TEF: variants seen among roughly 807,000 people sequenced by gnomAD.
TEF encodes the protein thyrotroph embryonic factor.
A neutral mutation model predicts 20.8 loss-of-function variants in TEF; 3 were observed. The ratio of observed to expected loss-of-function variants is 0.14; its 90% confidence interval spans 0.07 to 0.37. TEF has a LOEUF of 0.37. Ranked by LOEUF, TEF falls within the 10% of genes least tolerant of loss-of-function variation. The probability of loss-of-function intolerance (pLI) is 1.00; values close to 1 mark genes in which losing one functional copy is unlikely to be tolerated. For missense variants in TEF, 296 were observed against 397.9 expected, an observed-to-expected ratio of 0.74 and a Z score of 2.18; for synonymous variants, 180 against 171.1, an observed-to-expected ratio of 1.05 and a Z score of -0.41.
At chr22:41,377,386 T>C (rs2036956193), upstream of TEF, 1 of 152,160 alleles carries the variant, frequency 6.6e-6, no homozygotes, top group Non-Finnish European at 1.5e-5. Flanking sequence ...TTCTCTTTTT[T>C]CCCCCTGAAA....
chr22:41,386,109 C>T (rs924704392), intron 1 of TEF, among the ~76,000 whole-genome samples: 4 of 152,104 alleles, frequency 2.6e-5, no homozygotes, highest in Admixed American at 6.5e-5. Flanking sequence ...GCAATCCTGA[C>T]CCCCCCGCAC....
intron 1 of TEF, chr22:41,370,017 T>C (rs920073136): frequency 1.0e-6 from 1 of 985,416 alleles, no homozygotes. Flanking sequence ...GAGGGAAGTG[T>C]ACAGGAAAGT....
upstream of TEF, among the ~76,000 whole-genome samples, chr22:41,378,117 C>T (rs1299530835): frequency 3.3e-5 from 5 of 150,790 alleles, no homozygotes; most frequent in African/African-American, 1.2e-4. Flanking sequence ...GCCATCAAGT[C>T]TCCTCATGGC....
At position 41,397,005 on chromosome 22, in the gene TEF, T is replaced by A. The variant is rs987462555; in HGVS notation, c.*1045T>A. ...CCTTTTTTCTTGCTCTGCTCACCGG[T>A]GTGGCCTGGGCTGGAGTGCACTCTC... On this transcript the variant is annotated 3_prime_UTR_variant, in exon 4 of 4. Transcript: ENST00000266304. The A allele has an allele frequency of 7.5e-6, 3 of 398,696 alleles. No homozygotes were observed. The highest frequency in any genetic ancestry group is 1.3e-5 in the Non-Finnish European group (3 of 226,272). 24.7% of individuals were successfully genotyped at this position (398,696 alleles called of 1,614,324 possible).
upstream of TEF, among the ~76,000 whole-genome samples, chr22:41,379,519 A>C (rs2036987733): frequency 6.6e-6 from 1 of 151,214 alleles, no homozygotes; most frequent in South Asian, 2.1e-4. Flanking sequence ...AAAACAAAAA[A>C]CAAAAAACAA....
At chr22:41,384,320 TCTC>T (rs1418658271) in intron 1 of TEF, among the ~76,000 whole-genome samples, 1 of 152,100 alleles carries the variant, frequency 6.6e-6, no homozygotes, top group Non-Finnish European at 1.5e-5. Context: ...ATTGCTCTCT[TCTC>T]TTTTTTTAAT....
intron 1 of TEF, among the ~76,000 whole-genome samples, chr22:41,383,940 AC>A (rs1374882648): frequency 2.0e-5 from 3 of 152,224 alleles, no homozygotes. Context: ...CACCCAGCCC[AC>A]CAAGGCTTGA....
At chr22:41,387,710 G>A in intron 2 of TEF, 42 bp downstream of exon 2, 4 of 1,555,406 alleles carry the variant, frequency 2.6e-6, no homozygotes, top group South Asian at 1.2e-5. Context: ...GTCCCATCCA[G>A]GGAAGTCCAT....
At chr22:41,392,745 G>A (rs1052210887) in intron 2 of TEF, among the ~76,000 whole-genome samples, 2 of 148,788 alleles carry the variant, frequency 1.3e-5, no homozygotes, top group Non-Finnish European at 3.0e-5. Context: ...GGACTCAAAA[G>A]TGGAACCCGG....
intron 1 of TEF, among the ~76,000 whole-genome samples, chr22:41,371,703 C>T (rs192665890): frequency 6.6e-6 from 1 of 152,350 alleles, no homozygotes; most frequent in East Asian, 1.9e-4. Flanking sequence ...CCCTCATTCC[C>T]TTCTTTCCAC....
rs537903655 is a variant in TEF at position 41,398,460 on chromosome 22, A to G, written c.*2500A>G. 1.3e-5 allele frequency: 2 copies of G among 153,828 alleles called. No individual in the cohort carries two copies. Among genetic ancestry groups the G allele is most frequent in the South Asian group, 2.1e-4 (1 of 4,828 alleles). 9.5% of individuals were successfully genotyped at this position (153,828 alleles called of 1,614,324 possible). Reference sequence around the variant, plus strand: ...GGCTTGGAAGTGCCGTCTACTTCCTAAGCATCCTGTCTAAAGCTTTGTGGC... The same window carrying G: ...GGCTTGGAAGTGCCGTCTACTTCCTGAGCATCCTGTCTAAAGCTTTGTGGC... On this transcript the variant is annotated 3_prime_UTR_variant, in exon 4 of 4. Transcript: ENST00000266304.
At position 41,397,768 on chromosome 22, in the gene TEF, C is replaced by G. The variant is rs369520800; in HGVS notation, c.*1808C>G. On this transcript the variant is annotated 3_prime_UTR_variant, in exon 4 of 4. Transcript: ENST00000266304. ...GCGCATCCAGCATGTCAGTGTCCTG[C>G]CCCGGGCAGCTCTCCCTCCCGGGCA... The G allele has an allele frequency of 1.3e-5, 2 of 152,258 alleles. No homozygotes were observed. Among genetic ancestry groups the G allele is most frequent in the East Asian group, 3.8e-4 (2 of 5,196 alleles). The allele number at this position is 152,258 out of a possible 1,614,324, so 9.4% of individuals were successfully genotyped here.
chr22:41,388,827 A>G (rs1201541181), intron 2 of TEF, among the ~76,000 whole-genome samples: 3 of 152,084 alleles, frequency 2.0e-5, no homozygotes, highest in East Asian at 1.9e-4. Flanking sequence ...TCCACACCCA[A>G]TAAGTTCTCA....
upstream of TEF, among the ~76,000 whole-genome samples, chr22:41,378,278 C>T (rs2145970481): frequency 6.6e-6 from 1 of 150,470 alleles, no homozygotes; most frequent in South Asian, 2.1e-4. Flanking sequence ...AAGCAATTCT[C>T]CTGCCTCAGC....
At chr22:41,378,980 A>T (rs1348125538), upstream of TEF, among the ~76,000 whole-genome samples, 1 of 152,252 alleles carries the variant, frequency 6.6e-6, no homozygotes, top group East Asian at 1.9e-4. Flanking sequence ...CAGTTTTAGT[A>T]AAATTATGAA....
intron 1 of TEF, among the ~76,000 whole-genome samples, chr22:41,368,706 G>A (rs1474312422): frequency 1.3e-5 from 2 of 152,256 alleles, no homozygotes; most frequent in Admixed American, 6.5e-5. Context: ...CGGAGCTCTC[G>A]CACGCAGCTC....
intron 1 of TEF, among the ~76,000 whole-genome samples, chr22:41,368,801 G>A (rs2036848933): frequency 6.6e-6 from 1 of 152,168 alleles, no homozygotes; most frequent in Admixed American, 6.5e-5. Flanking sequence ...GTCACAGAAG[G>A]CGCTCCTGTG....
chr22:41,393,981 C>T (rs1275279278), intron 2 of TEF, 115 bp from the exon 3 acceptor site: 3 of 871,236 alleles, frequency 3.4e-6, no homozygotes, highest in South Asian at 3.4e-5. Flanking sequence ...TTTTCTTCTC[C>T]CCAGGCGGCA....
Position 41,382,229 on chromosome 22 carries a change from G to A in TEF, c.157+28G>A, listed in dbSNP as rs988703568. On this transcript the variant is annotated intron_variant, in intron 1 of 3. Coordinates refer to ENST00000266304, the MANE Select transcript of TEF (RefSeq NM_003216.4). ...GAGGGCGGGGGGGTGGTCCGCGCGGGCTGGGGGCGGGGCTTATACAGGGGC... is the reference window on the plus strand; with the variant it reads ...GAGGGCGGGGGGGTGGTCCGCGCGGACTGGGGGCGGGGCTTATACAGGGGC... 6 of 1,223,996 alleles carry A rather than the reference G, an allele frequency of 4.9e-6. No individual in the cohort carries two copies. In the African/African-American group the frequency reaches 7.8e-5, roughly 16 times the overall value. 75.8% of individuals were successfully genotyped at this position (1,223,996 alleles called of 1,614,324 possible).
Sources: allele counts gnomAD v4.1 joint callset (sites outside exome capture counted in the v4.1 genomes callset), GRCh38; gene constraint gnomAD v4.1.1; transcripts MANE v1.5; gene names NCBI Gene and HGNC (gene_info 2026-07-23, HGNC 2026-07-21).